Variants in STARD9 observed in about 807,000 individuals in gnomAD.
STARD9 encodes the protein stAR-related lipid transfer protein 9.
Under a neutral mutation model 399.8 loss-of-function variants are expected in STARD9, and 346 were observed. The observed-to-expected ratio is 0.87, with a 90% CI of 0.79 to 0.95. STARD9 has a LOEUF of 0.95. Ranked by LOEUF, STARD9 falls within the 40% of genes least tolerant of loss-of-function variation. The pLI is 0.00. For synonymous variants in STARD9, 2,203 were observed against 2,143.5 expected, an observed-to-expected ratio of 1.03 and a Z score of -0.77; for missense variants, 5,832 against 5,667.5, an observed-to-expected ratio of 1.03 and a Z score of -0.93.
At position 42,636,746 on chromosome 15, in the gene STARD9, T is replaced by G. The variant is rs553103126; in HGVS notation, c.352-1161T>G. Reference sequence around the variant, plus strand: ...ATTGCTCGCTTTGTCCTGTGTTTAGTGTGATTTCATAGTATTTGACATTAA... The same window carrying G: ...ATTGCTCGCTTTGTCCTGTGTTTAGGGTGATTTCATAGTATTTGACATTAA... On this transcript the variant is annotated intron_variant, in intron 4 of 32. Transcript: ENST00000290607. Among the ~76,000 whole-genome samples the G allele has an allele frequency of 1.1e-4, 16 of 152,234 alleles. No homozygotes were observed. In the East Asian group the frequency reaches 3.1e-3, roughly 29 times the overall value.
At chr15:42,626,324 C>CCTCTTCCTCTTCT (rs2059213456) in intron 3 of STARD9, among the ~76,000 whole-genome samples, 3 of 126,926 alleles carry the variant, frequency 2.4e-5, no homozygotes, top group Non-Finnish European at 4.7e-5. Flanking sequence ...CCTCTTCTTC[C>CCTCTTCCTCTTCT]TCCTCTTCCT....
In STARD9 at chr15:42,690,320, G is replaced by A. The variant is rs1409057820; in HGVS notation, c.8742G>A (p.Glu2914=). The A allele has an allele frequency of 6.5e-7, 1 of 1,537,234 alleles. No individual in the cohort carries two copies. Among genetic ancestry groups the A allele is most frequent in the East Asian group, 2.4e-5 (1 of 40,922 alleles). ...GCGCAAATCCTGGGGGAATTGGGGA[G>A]GAAGCCCCATGTAGACACCCAAGGG... ...RPSANPGGIG[E]EAPCRHPREA... Residue 2914 remains glutamate, a synonymous_variant, in exon 23 of 33, where the codon GAG becomes GAA. Transcript: ENST00000290607.
chr15:42,679,740 G>T (rs1327172900), intron 20 of STARD9, among the ~76,000 whole-genome samples: 1 of 152,192 alleles, frequency 6.6e-6, no homozygotes, highest in African/African-American at 2.4e-5. Context: ...TGCAAAAGCA[G>T]CCCTAGACAG....
intron 9 of STARD9, among the ~76,000 whole-genome samples, chr15:42,656,327 TAAAAAAAAAAAAAAAA>T (rs869264641): frequency 0.067 from 2,352 of 35,132 alleles, 60 homozygotes; most frequent in Non-Finnish European, 0.092. Context: ...AGCCATCTCC[TAAAAAAAAAAAAAAAA>T]AAAAAAAAAA....
In STARD9 at chr15:42,692,622, C is replaced by G; in HGVS notation, c.11044C>G (p.Leu3682Val). 6.5e-7 allele frequency: 1 copy of G among 1,537,254 alleles called. No homozygotes were observed. The highest frequency in any genetic ancestry group is 8.7e-7 in the Non-Finnish European group (1 of 1,146,932). ...ASWTSMHNLS[L>V]HLSQLLHSTS... ...ATGGACCAGCATGCACAATCTGTCT[C>G]TCCACCTCTCACAGCTCCTGCACAG... Residue 3682 changes from leucine to valine, a missense_variant, in exon 23 of 33, where the codon CTC becomes GTC. Physicochemically the swap from Leu to Val is conservative, Grantham distance 32. Coordinates refer to ENST00000290607, the MANE Select transcript of STARD9 (RefSeq NM_020759.3).
chr15:42,671,329 A>T (rs1438603297), intron 16 of STARD9: 1 of 152,084 alleles, frequency 6.6e-6, no homozygotes, highest in Non-Finnish European at 1.5e-5. Flanking sequence ...TTGAACACTT[A>T]AAGGATTTTT....
chr15:42,682,041 T>G, intron 21 of STARD9, 63 bp from the exon 22 acceptor site: 2 of 1,137,778 alleles, frequency 1.8e-6, no homozygotes, highest in Non-Finnish European at 2.5e-6. Flanking sequence ...GGTATCTGAG[T>G]CCAGGCAGCC....
chr15:42,578,636 T>A (rs1165421661), intron 1 of STARD9, among the ~76,000 whole-genome samples: 1 of 152,128 alleles, frequency 6.6e-6, no homozygotes, highest in Non-Finnish European at 1.5e-5. Context: ...TTTTTTTTTT[T>A]TTTTAAAGTT....
intron 20 of STARD9, among the ~76,000 whole-genome samples, chr15:42,681,050 C>T (rs1190273285): frequency 6.6e-6 from 1 of 152,180 alleles, no homozygotes; most frequent in Middle Eastern, 3.2e-3. Context: ...TGAGTATTTC[C>T]AACATATTTT....
chr15:42,684,675 A>T lies in STARD9; in HGVS notation c.3097A>T (p.Lys1033Ter). 6.5e-7 allele frequency: 1 copy of T among 1,537,152 alleles called. No homozygotes were observed. The highest frequency in any genetic ancestry group is 1.4e-5 in the African/African-American group (1 of 73,150). Reference sequence around the variant, plus strand: ...AGTCAAGACTTTTTGGACAGAATACAAACCACCTTCTCCAAGCAGGGCATC... The same window carrying T: ...AGTCAAGACTTTTTGGACAGAATACTAACCACCTTCTCCAAGCAGGGCATC... ...KAVKTFWTEY[K>*]PPSPSRASKR... The change falls in exon 23 of 33, where the codon AAA (lysine) becomes TAA (stop). Residue 1033 changes from lysine to a stop codon, truncating the protein, a stop_gained. Transcript: ENST00000290607. LOFTEE classifies it high-confidence loss of function.
chr15:42,591,481 C>A (rs1317291518), intron 3 of STARD9, among the ~76,000 whole-genome samples: 1 of 149,314 alleles, frequency 6.7e-6, no homozygotes, highest in African/African-American at 2.5e-5. Context: ...GAGCAAGAGT[C>A]CATCTTAAAA....
chr15:42,585,742 T>G, intron 3 of STARD9, 105 bp downstream of exon 3: 1 of 671,114 alleles, frequency 1.5e-6, no homozygotes. Flanking sequence ...AGCACAGTTG[T>G]ACAGATTGGA....
At position 42,695,871 on chromosome 15, in the gene STARD9, A is replaced by G. The variant is rs1419424002; in HGVS notation, c.13275A>G (p.Pro4425=). 3.9e-6 allele frequency: 6 copies of G among 1,536,994 alleles called. No individual in the cohort carries two copies. The highest frequency in any genetic ancestry group is 5.2e-6 in the Non-Finnish European group (6 of 1,146,820). ...SPALSGQLQF[P]ENMGHTNLPD... ...CCTTGTCAGGCCAGCTCCAGTTCCC[A>G]GAGAATATGGTGAGTAGGCAGATGT... The change falls in exon 26 of 33, where the codon CCA becomes CCG. Residue 4425 remains proline (P), a synonymous_variant. Coordinates refer to ENST00000290607, the MANE Select transcript of STARD9 (RefSeq NM_020759.3).
chr15:42,587,242 A>G (rs1462507871), intron 3 of STARD9, among the ~76,000 whole-genome samples: 1 of 152,242 alleles, frequency 6.6e-6, no homozygotes, highest in Non-Finnish European at 1.5e-5. Flanking sequence ...CTGCTATTGT[A>G]GACTTCTGAA....
At chr15:42,695,026 G>T in intron 24 of STARD9, 114 bp from the exon 25 acceptor site, 2 of 922,858 alleles carry the variant, frequency 2.2e-6, no homozygotes, top group Non-Finnish European at 3.2e-6. Context: ...AACCCTGTGG[G>T]CAAATGGAGG....
At chr15:42,596,002 G>C (rs565818607) in intron 3 of STARD9, among the ~76,000 whole-genome samples, 6 of 152,350 alleles carry the variant, frequency 3.9e-5, no homozygotes, top group African/African-American at 1.2e-4. Flanking sequence ...CTGAAAGACA[G>C]AGATTCTTGA....
At chr15:42,668,032 C>T (rs1053921861) in intron 15 of STARD9, among the ~76,000 whole-genome samples, 7 of 152,212 alleles carry the variant, frequency 4.6e-5, no homozygotes, top group Non-Finnish European at 8.8e-5. Flanking sequence ...ATTCCAAACT[C>T]ATTAGCATTC....
At position 42,688,139 on chromosome 15, in the gene STARD9, C is replaced by G; in HGVS notation, c.6561C>G (p.His2187Gln). 6.5e-7 allele frequency: 1 copy of G among 1,537,384 alleles called. No individual in the cohort carries two copies. Among genetic ancestry groups the G allele is most frequent in the Non-Finnish European group, 8.7e-7 (1 of 1,146,952 alleles). Residue 2187 changes from histidine (H) to glutamine (Q), a missense_variant, in exon 23 of 33, where the codon CAC becomes CAG. His to Gln is a conservative substitution (Grantham distance 24). Transcript: ENST00000290607. ...ATATTTGTGATTCTTTAGGGAAACA[C>G]ACAACTTGCAGAGAGTTCACCAACA... is the stretch of plus-strand genomic sequence containing the variant. ...ARDICDSLGK[H>Q]TTCREFTNTS...
Position 42,685,757 on chromosome 15 carries a change from A to G in STARD9, c.4179A>G (p.Pro1393=), listed in dbSNP as rs1437670433. The change falls in exon 23 of 33, where the codon CCA becomes CCG. Residue 1393 remains proline, a synonymous_variant. Coordinates refer to ENST00000290607, the MANE Select transcript of STARD9 (RefSeq NM_020759.3). Reference sequence around the variant, plus strand: ...CATCAGATGCAGAAACGGTTCTGCCATATAGCTCCAAACTGCACCAAGGCA... The same window carrying G: ...CATCAGATGCAGAAACGGTTCTGCCGTATAGCTCCAAACTGCACCAAGGCA... The part of the protein sequence containing the change: ...LKPSDAETVL[P]YSSKLHQGST... The G allele has an allele frequency of 6.5e-7, 1 of 1,537,448 alleles. No homozygotes were observed. Among genetic ancestry groups the G allele is most frequent in the Non-Finnish European group, 8.7e-7 (1 of 1,146,954 alleles).
Sources: allele counts gnomAD v4.1 joint callset (sites outside exome capture counted in the v4.1 genomes callset), GRCh38; gene constraint gnomAD v4.1.1; transcripts MANE v1.5; gene names NCBI Gene and HGNC (gene_info 2026-07-23, HGNC 2026-07-21).